The following SNX29 variants were observed in gnomAD, a reference collection of about 807,000 sequenced individuals.
SNX29 encodes the protein sorting nexin 29.
SNX29 carries 78 observed loss-of-function variants against 102.1 expected under a neutral mutation model. The observed-to-expected ratio is 0.76, with a 90% CI of 0.64 to 0.92. The LOEUF (loss-of-function observed/expected upper bound fraction) is 0.92. Among genes scored for constraint, SNX29 ranks in the 40% least tolerant of loss-of-function variants. The pLI is 0.00. For synonymous variants in SNX29, 580 were observed against 414.5 expected, an observed-to-expected ratio of 1.40 and a Z score of -4.85; for missense variants, 1,280 against 1,061.7, an observed-to-expected ratio of 1.21 and a Z score of -2.86.
chr16:12,351,437 T>G (rs1254529732), intron 15 of SNX29, among the ~76,000 whole-genome samples: 2 of 152,198 alleles, frequency 1.3e-5, no homozygotes, highest in African/African-American at 4.8e-5. Flanking sequence ...AGAGCCTCAG[T>G]TGCTATTGAA....
chr16:12,165,532 C>T (rs145027293), intron 13 of SNX29, among the ~76,000 whole-genome samples: 1 of 152,140 alleles, frequency 6.6e-6, no homozygotes, highest in East Asian at 1.9e-4. Context: ...TGTTTTTTAC[C>T]ATTCAAATAT....
rs140156532 is a variant in SNX29 at position 12,310,862 on chromosome 16, G to A, written c.1782+32826G>A. On this transcript the variant is annotated intron_variant, in intron 15 of 20. Coordinates refer to ENST00000566228, the MANE Select transcript of SNX29 (RefSeq NM_032167.5). ...GGGCATCCTGGCACATAGGAGCAGT[G>A]CCCTGCTGCAGGAAAAAACGTCTCA... 3.8e-4 allele frequency among the ~76,000 whole-genome samples: 58 copies of A among 152,286 alleles called. 1 individual carries two copies. In the East Asian group the frequency reaches 9.3e-3, roughly 24 times the overall value.
chr16:12,478,935 G>A (rs1197198839), intron 19 of SNX29, among the ~76,000 whole-genome samples: 1 of 152,186 alleles, frequency 6.6e-6, no homozygotes, highest in Non-Finnish European at 1.5e-5. Flanking sequence ...ATTTCGGTAT[G>A]TGTTCAATAG....
At chr16:12,294,484 A>T (rs1267381745) in intron 15 of SNX29, among the ~76,000 whole-genome samples, 1 of 151,932 alleles carries the variant, frequency 6.6e-6, no homozygotes, top group Non-Finnish European at 1.5e-5. Context: ...CTAAAGACTC[A>T]CCCTGTCTAC....
At chr16:12,429,045 C>T (rs1322384652) in intron 18 of SNX29, among the ~76,000 whole-genome samples, 2 of 151,634 alleles carry the variant, frequency 1.3e-5, no homozygotes, top group Non-Finnish European at 2.9e-5. Flanking sequence ...CTAGTTAATC[C>T]CAACACACAG....
At chr16:12,063,364 A>ATTTTTT (rs1567173140) in intron 9 of SNX29, among the ~76,000 whole-genome samples, 1 of 48,232 alleles carries the variant, frequency 2.1e-5, no homozygotes, top group Non-Finnish European at 4.4e-5. Context: ...TTCCTAGTCC[A>ATTTTTT]TCTTTTTTTT....
chr16:12,348,679 G>T (rs1363850426), intron 15 of SNX29, among the ~76,000 whole-genome samples: 4 of 152,222 alleles, frequency 2.6e-5, no homozygotes, highest in South Asian at 2.1e-4. Context: ...CACAGTGATG[G>T]CGTATGCTGA....
At chr16:12,459,538 T>G (rs1035666460) in intron 18 of SNX29, among the ~76,000 whole-genome samples, 6 of 152,186 alleles carry the variant, frequency 3.9e-5, no homozygotes, top group African/African-American at 1.4e-4. Context: ...CAACCACTGT[T>G]CGCACGGAGG....
chr16:12,310,533 C>A (rs1472728852), intron 15 of SNX29, among the ~76,000 whole-genome samples: 1 of 151,840 alleles, frequency 6.6e-6, no homozygotes, highest in Non-Finnish European at 1.5e-5. Flanking sequence ...AAAAAAAGAC[C>A]ATAAGGAGCA....
At chr16:12,552,072 C>T (rs563099342) in intron 20 of SNX29, among the ~76,000 whole-genome samples, 2 of 152,196 alleles carry the variant, frequency 1.3e-5, no homozygotes, top group African/African-American at 4.8e-5. Context: ...GAATCTCTGT[C>T]TCAATCACTC....
rs564929999 is a variant in SNX29, at chr16:12,535,649, C to G, written c.2318+10808C>G. ...CAACATGAAGCACTTACAGAGCAGT[C>G]TTGAATATCTTCAGGGCTGGGGCTT... On this transcript the variant is annotated intron_variant, in intron 20 of 20. Coordinates refer to ENST00000566228, the MANE Select transcript of SNX29 (RefSeq NM_032167.5). 5.0e-3 allele frequency among the ~76,000 whole-genome samples: 756 copies of G among 152,258 alleles called. 2 individuals carry two copies. Among genetic ancestry groups the G allele is most frequent in the Non-Finnish European group, 8.8e-3 (596 of 68,016 alleles).
chr16:11,976,954 C>T, intron 1 of SNX29, 141 bp downstream of exon 1: 1 of 1,096,520 alleles, frequency 9.1e-7, no homozygotes, highest in South Asian at 3.8e-5. Flanking sequence ...AGACCCCTGG[C>T]CCCCAGGACT....
chr16:12,377,493 T>G (rs1363403827), intron 16 of SNX29, among the ~76,000 whole-genome samples: 1 of 152,140 alleles, frequency 6.6e-6, no homozygotes, highest in African/African-American at 2.4e-5. Context: ...CACATCTAAC[T>G]GCAGGTGGGT....
chr16:12,037,860 T>C (rs2057519577), intron 4 of SNX29, among the ~76,000 whole-genome samples: 1 of 151,616 alleles, frequency 6.6e-6, no homozygotes, highest in Non-Finnish European at 1.5e-5. Flanking sequence ...GAGCCTGAGA[T>C]GGGAAGATCG....
chr16:12,091,301 T>C (rs1056431442), intron 11 of SNX29, among the ~76,000 whole-genome samples: 1 of 152,092 alleles, frequency 6.6e-6, no homozygotes, highest in African/African-American at 2.4e-5. Flanking sequence ...GCTTGTGTAA[T>C]GCCCCACCTT....
At chr16:12,510,876 G>A (rs987515362) in intron 19 of SNX29, among the ~76,000 whole-genome samples, 10 of 152,236 alleles carry the variant, frequency 6.6e-5, no homozygotes, top group African/African-American at 2.4e-4. Context: ...TCCAGCCTGT[G>A]CCAAGCACCG....
chr16:12,344,004 T>A (rs1404254825), intron 15 of SNX29, among the ~76,000 whole-genome samples: 1 of 152,134 alleles, frequency 6.6e-6, no homozygotes, highest in Non-Finnish European at 1.5e-5. Context: ...CAGAGGTTGT[T>A]CCCCTCTCCT....
At chr16:12,449,389 G>A (rs1213105588) in intron 18 of SNX29, among the ~76,000 whole-genome samples, 2 of 152,014 alleles carry the variant, frequency 1.3e-5, no homozygotes. Flanking sequence ...CAGGGATCAT[G>A]GCATATGTGT....
chr16:12,273,690 C>A (rs2079159221), intron 14 of SNX29, among the ~76,000 whole-genome samples: 2 of 152,230 alleles, frequency 1.3e-5, no homozygotes, highest in South Asian at 4.1e-4. Flanking sequence ...AATTGTGCAA[C>A]CATCGCCACT....
Sources: gnomAD v4.1 joint callset for allele counts (sites outside exome capture counted in the v4.1 genomes callset) on GRCh38, gnomAD v4.1.1 for gene constraint, MANE v1.5 for transcripts, NCBI Gene and HGNC (gene_info 2026-07-23, HGNC 2026-07-21) for gene names.